Variants in SCN2A observed in about 807,000 individuals in gnomAD.
The protein encoded by SCN2A is sodium voltage-gated channel alpha subunit 2.
A neutral mutation model predicts 188.7 loss-of-function variants in SCN2A; 20 were observed. The observed-to-expected ratio is 0.11, with a 90% CI of 0.07 to 0.15. The LOEUF is 0.15. Among genes scored for constraint, SCN2A ranks in the 10% least tolerant of loss-of-function variants. SCN2A has a pLI of 1.00. For synonymous variants in SCN2A, 804 were observed against 833.1 expected (o/e 0.97, Z 0.60); for missense variants, 1,278 against 2,445.0 (o/e 0.52, Z 10.07).
intron 10 of SCN2A, among the ~76,000 whole-genome samples, 187 bp downstream of exon 10, chr2:165,314,295 G>A (rs1186899137): frequency 2.0e-5 from 3 of 152,128 alleles, no homozygotes; most frequent in African/African-American, 7.2e-5. Flanking sequence ...AGTGTCAATA[G>A]TAATGGCATC....
chr2:165,325,265 T>C (rs529360664), intron 12 of SCN2A, among the ~76,000 whole-genome samples: 1 of 152,322 alleles, frequency 6.6e-6, no homozygotes, highest in African/African-American at 2.4e-5. Context: ...GAAGGCAAAG[T>C]TGGGGCCAGC....
At chr2:165,375,368 AGTGTGTGT>A (rs3030660) in intron 22 of SCN2A, among the ~76,000 whole-genome samples, 81 of 149,820 alleles carry the variant, frequency 5.4e-4, no homozygotes, top group African/African-American at 1.7e-3. Context: ...GATAAAGAAA[AGTGTGTGT>A]GTGTGTGTGT....
Position 165,370,204 on chromosome 2 carries a change from A to G in SCN2A, c.3754A>G (p.Ile1252Val), listed in dbSNP as rs773618513. 6 of 1,614,072 alleles carry G rather than the reference A, an allele frequency of 3.7e-6. No individual in the cohort carries two copies. Among genetic ancestry groups the G allele is most frequent in the Non-Finnish European group, 5.1e-6 (6 of 1,179,946 alleles). The change falls in exon 20 of 27, where the codon ATA becomes GTA. Residue 1252 changes from isoleucine to valine, a missense_variant. Physicochemically the swap from Ile to Val is conservative, Grantham distance 29. Coordinates refer to ENST00000375437, the MANE Select transcript of SCN2A (RefSeq NM_001040142.2). ...LEYADKVFTY[I>V]FILEMLLKWV... ...ATATGCTGACAAGGTTTTCACTTAC[A>G]TATTCATTCTGGAAATGCTGCTAAA...
At chr2:165,309,943 A>G (rs1178886856) in intron 6 of SCN2A, among the ~76,000 whole-genome samples, 2 of 152,126 alleles carry the variant, frequency 1.3e-5, no homozygotes, top group African/African-American at 2.4e-5. Flanking sequence ...ATTTCTTACT[A>G]CTCTATTCAC....
rs377452791 is a variant in SCN2A at position 165,304,573 on chromosome 2, C to T, written c.387-3275C>T. ...ATAGACATGATTCCTGTCCTCATGACGCTCAGAGAGTAGTTGAGAAGATCA... is the reference window on the plus strand; with the variant it reads ...ATAGACATGATTCCTGTCCTCATGATGCTCAGAGAGTAGTTGAGAAGATCA... On this transcript the variant is annotated intron_variant, in intron 3 of 26. Coordinates refer to ENST00000375437, the MANE Select transcript of SCN2A (RefSeq NM_001040142.2). Among the ~76,000 whole-genome samples, 46 of 152,232 alleles carry T rather than the reference C, an allele frequency of 3.0e-4. No individual in the cohort carries two copies. The South Asian group carries it at 8.3e-3, about 27-fold the overall frequency.
intron 19 of SCN2A, among the ~76,000 whole-genome samples, chr2:165,369,227 C>T (rs1700896591): frequency 6.6e-6 from 1 of 152,120 alleles, no homozygotes; most frequent in Admixed American, 6.5e-5. Flanking sequence ...CCGCACCTTG[C>T]CAGACATGCT....
intron 1 of SCN2A, among the ~76,000 whole-genome samples, chr2:165,287,605 G>A (rs1305927191): frequency 1.3e-5 from 2 of 151,856 alleles, no homozygotes; most frequent in African/African-American, 2.4e-5. Context: ...CCACCTGACC[G>A]TCATCTGATG....
At chr2:165,263,478 A>G (rs546918071) in intron 1 of SCN2A, among the ~76,000 whole-genome samples, 20 of 152,226 alleles carry the variant, frequency 1.3e-4, no homozygotes, top group Non-Finnish European at 2.5e-4. Context: ...CCATTTATTG[A>G]ATAGGGAGTC....
intron 25 of SCN2A, among the ~76,000 whole-genome samples, chr2:165,384,797 C>G (rs1240001658): frequency 1.3e-5 from 2 of 152,046 alleles, no homozygotes; most frequent in African/African-American, 4.8e-5. Context: ...ATTCATGAGA[C>G]AGAGAAGGAG....
intron 14 of SCN2A, among the ~76,000 whole-genome samples, chr2:165,341,771 TA>T (rs1356332120): frequency 1.3e-5 from 2 of 152,142 alleles, no homozygotes; most frequent in African/African-American, 4.8e-5. Flanking sequence ...TTTTAGATAA[TA>T]GAAATGGAGA....
intron 1 of SCN2A, among the ~76,000 whole-genome samples, chr2:165,282,328 C>T (rs1695618013): frequency 6.6e-6 from 1 of 152,092 alleles, no homozygotes; most frequent in Non-Finnish European, 1.5e-5. Flanking sequence ...CAATTGAGGG[C>T]AGGTTGCTTC....
chr2:165,273,550 T>C (rs1052059433), intron 1 of SCN2A: 1 of 152,122 alleles, frequency 6.6e-6, no homozygotes, highest in African/African-American at 2.4e-5. Flanking sequence ...TGTTGAAAAA[T>C]ATTTTCTTTG....
chr2:165,375,969 A>T (rs901884777), intron 22 of SCN2A, among the ~76,000 whole-genome samples: 1 of 152,068 alleles, frequency 6.6e-6, no homozygotes. Flanking sequence ...CAAATGACAC[A>T]TGATGTCACT....
chr2:165,383,864 T>C (rs1180557577), intron 25 of SCN2A, among the ~76,000 whole-genome samples: 2 of 152,046 alleles, frequency 1.3e-5, no homozygotes, highest in Non-Finnish European at 2.9e-5. Context: ...AAATTGGAGA[T>C]GCTAGTTTGC....
At chr2:165,294,704 A>G (rs1181514007) in intron 1 of SCN2A, among the ~76,000 whole-genome samples, 4 of 152,182 alleles carry the variant, frequency 2.6e-5, no homozygotes, top group Admixed American at 2.0e-4. Context: ...ATTGTTTCAA[A>G]TAGCATAGAA....
At chr2:165,382,976 T>G (rs1701682036) in intron 25 of SCN2A, among the ~76,000 whole-genome samples, 1 of 152,188 alleles carries the variant, frequency 6.6e-6, no homozygotes, top group African/African-American at 2.4e-5. Flanking sequence ...TGGATTTACC[T>G]GTAGTGGTAG....
intron 13 of SCN2A, among the ~76,000 whole-genome samples, chr2:165,330,707 AGT>A (rs1431325897): frequency 6.6e-6 from 1 of 152,154 alleles, no homozygotes; most frequent in Non-Finnish European, 1.5e-5. Flanking sequence ...TTGTAACAAC[AGT>A]GAGGACTCCA....
Position 165,239,469 on chromosome 2 carries a change from G to A in SCN2A, c.-223G>A, listed in dbSNP as rs1365133783. 1.6e-5 allele frequency: 3 copies of A among 182,940 alleles called. No homozygotes were observed. Among genetic ancestry groups the A allele is most frequent in the African/African-American group, 4.8e-5 (2 of 41,966 alleles). The allele number at this position is 182,940 out of a possible 1,614,324, so 11.3% of individuals were successfully genotyped here. On this transcript the variant is annotated 5_prime_UTR_variant, in exon 1 of 27. Transcript: ENST00000375437. Reference sequence around the variant, plus strand: ...CAGAACAGAAAGCTAAGGCAAAGGAGGGAGGATGCTGTGGTCATCCTTTCT... The same window carrying A: ...CAGAACAGAAAGCTAAGGCAAAGGAAGGAGGATGCTGTGGTCATCCTTTCT...
intron 10 of SCN2A, 46 bp from the exon 11 acceptor site, chr2:165,315,425 C>CT: frequency 6.2e-7 from 1 of 1,611,286 alleles, no homozygotes; most frequent in Non-Finnish European, 8.5e-7. Context: ...ATGATAATTA[C>CT]TTTTTAAGTT....
Sources: allele counts gnomAD v4.1 joint callset (sites outside exome capture counted in the v4.1 genomes callset), GRCh38; gene constraint gnomAD v4.1.1; transcripts MANE v1.5; gene names NCBI Gene and HGNC (gene_info 2026-07-23, HGNC 2026-07-21).